Variants in DSG4 observed in about 807,000 individuals in gnomAD.
The protein encoded by DSG4 is desmoglein-4.
In DSG4, 87 loss-of-function variants were observed where a neutral mutation model predicts 93.1. The observed-to-expected ratio is 0.93, with a 90% confidence interval of 0.79 to 1.12. The LOEUF (loss-of-function observed/expected upper bound fraction) is 1.12, where lower values mean the gene tolerates loss of function less well. Ranked by LOEUF, DSG4 falls within the 50% of genes most tolerant of loss-of-function variation. DSG4 has a pLI of 0.00. For synonymous variants in DSG4, 432 were observed against 452.9 expected (o/e 0.95, Z 0.59); for missense variants, 1,373 against 1,285.7 (o/e 1.07, Z -1.04).
chr18:31,390,733 G>A lies in DSG4; in HGVS notation c.595G>A (p.Val199Ile), dbSNP rs139019059. Residue 199 changes from valine (V) to isoleucine (I), a missense_variant, in exon 6 of 16, where the codon GTC becomes ATC. Physicochemically the swap from Val to Ile is conservative, Grantham distance 29 (BLOSUM62 3). Coordinates refer to ENST00000308128, the MANE Select transcript of DSG4 (RefSeq NM_177986.5). ...GAATTCTAAAATTGCCTACAAGATCGTCTCTCAGGAGCCATCAGGTGCACC... is the reference window on the plus strand; with the variant it reads ...GAATTCTAAAATTGCCTACAAGATCATCTCTCAGGAGCCATCAGGTGCACC... The part of the protein sequence containing the change: ...HLNSKIAYKI[V>I]SQEPSGAPMF... 141 of 1,613,630 alleles carry A rather than the reference G, an allele frequency of 8.7e-5. 1 individual carries two copies. The highest frequency in any genetic ancestry group is 8.3e-4 in the Admixed American group (50 of 59,944).
rs117769970 is a variant in DSG4, at chr18:31,410,727, C to T, written c.2138-504C>T. Among the ~76,000 whole-genome samples the T allele has an allele frequency of 8.7e-4, 132 of 152,310 alleles. 1 individual carries two copies. In the East Asian group the frequency reaches 0.024, roughly 28 times the overall value. ...AGAGAGGGTGCTTAATTCTGCAGTG[C>T]ACGTGAGCTTTCTCTGATGGTTCCT... is the stretch of plus-strand genomic sequence containing the variant. On this transcript the variant is annotated intron_variant, in intron 14 of 15. Transcript: ENST00000308128.
intron 6 of DSG4, 28 bp from the exon 7 acceptor site, chr18:31,391,050 T>A: frequency 6.2e-7 from 1 of 1,612,922 alleles, no homozygotes; most frequent in African/African-American, 1.3e-5. Context: ...AAAACCTAAG[T>A]CTTACGTTCT....
chr18:31,382,971 A>G (rs1164227795), intron 1 of DSG4, among the ~76,000 whole-genome samples: 23 of 152,220 alleles, frequency 1.5e-4, no homozygotes, highest in Admixed American at 1.5e-3. Flanking sequence ...GACCAAGGTA[A>G]AATGAACTCA....
rs748887910 is a variant in DSG4 at position 31,399,302 on chromosome 18, C to A, written c.1036C>A (p.Gln346Lys). ...MLDYEQAPNIQLSIGVKNQAD... is the reference protein window; with the variant it reads ...MLDYEQAPNIKLSIGVKNQAD... ...GGATTATGAACAAGCACCTAACATTCAGCTTAGTATCGGAGTTAAAAACCA... is the reference window on the plus strand; with the variant it reads ...GGATTATGAACAAGCACCTAACATTAAGCTTAGTATCGGAGTTAAAAACCA... Residue 346 changes from glutamine (Q) to lysine (K), a missense_variant, in exon 9 of 16, where the codon CAG becomes AAG. Physicochemically the swap from Gln to Lys is moderately conservative, Grantham distance 53. Transcript: ENST00000308128. 6 of 1,613,822 alleles carry A rather than the reference C, an allele frequency of 3.7e-6. No homozygotes were observed. Among genetic ancestry groups the A allele is most frequent in the Non-Finnish European group, 5.1e-6 (6 of 1,179,896 alleles).
chr18:31,409,466 C>T lies in DSG4; in HGVS notation c.1948C>T (p.Leu650=). Residue 650 remains leucine (L), a synonymous_variant, in exon 13 of 16, where the codon CTG becomes TTG. Transcript: ENST00000308128. The stretch of plus-strand genomic sequence containing the variant: ...TTCTTGGGCAGTGGCTCCACTCTTG[C>T]TGCTCCTGTGTTGCTGCAAACAGAG... ...ILLLILAPLL[L]LLCCCKQRQP... is the part of the protein sequence containing the mutation. The T allele has an allele frequency of 6.2e-7, 1 of 1,614,190 alleles. No homozygotes were observed. Among genetic ancestry groups the T allele is most frequent in the South Asian group, 1.1e-5 (1 of 91,062 alleles).
At chr18:31,385,109 C>T in intron 1 of DSG4, 27 bp from the exon 2 acceptor site, 1 of 1,591,364 alleles carries the variant, frequency 6.3e-7, no homozygotes, top group Non-Finnish European at 8.6e-7. Flanking sequence ...CAAATTTATG[C>T]TAATGTGGTA....
At position 31,413,066 on chromosome 18, in the gene DSG4, G is replaced by C; in HGVS notation, c.2594G>C (p.Ser865Thr). The part of the protein sequence containing the change: ...FPSHQACIPI[S>T]TDLPLLGPNY... ...TCACACCAGGCTTGTATACCAATCA[G>C]TACTGACCTCCCTTTGCTCGGACCT... is the stretch of plus-strand genomic sequence containing the variant. The change falls in exon 16 of 16, where the codon AGT becomes ACT. Residue 865 changes from serine to threonine, a missense_variant. By Grantham distance (58) the Ser-to-Thr change is moderately conservative (BLOSUM62 1). Transcript: ENST00000308128. 1 of 1,614,128 alleles carries C rather than the reference G, an allele frequency of 6.2e-7. No individual in the cohort carries two copies. Among genetic ancestry groups the C allele is most frequent in the South Asian group, 1.1e-5 (1 of 91,080 alleles).
At chr18:31,402,667 A>G (rs2072380792) in intron 10 of DSG4, among the ~76,000 whole-genome samples, 1 of 150,148 alleles carries the variant, frequency 6.7e-6, no homozygotes, top group Non-Finnish European at 1.5e-5. Flanking sequence ...TTCTAGTTTA[A>G]AAGCGAGAAA....
chr18:31,406,087 A>T lies in DSG4; in HGVS notation c.1647A>T (p.Ala549=). The change falls in exon 12 of 16, where the codon GCA becomes GCT. Residue 549 remains alanine (A), a synonymous_variant. Transcript: ENST00000308128. ...WDVRSTNATS[A]ILTAKQVLSP... ...TCTCTTCCATTTCAGCTACCTCGGCAATCCTTACGGCTAAGCAGGTTTTAT... is the reference window on the plus strand; with the variant it reads ...TCTCTTCCATTTCAGCTACCTCGGCTATCCTTACGGCTAAGCAGGTTTTAT... 1.2e-6 allele frequency: 2 copies of T among 1,614,104 alleles called. No individual in the cohort carries two copies. The highest frequency in any genetic ancestry group is 2.2e-5 in the South Asian group (2 of 91,078).
At position 31,386,748 on chromosome 18, in the gene DSG4, C is replaced by T. The variant is rs754509456; in HGVS notation, c.145C>T (p.Arg49Trp). Reference sequence around the variant, plus strand: ...ATGGCAAACAGTCAGAAGACAAAAGCGGGAGTGGATCAAGTTTGCCGCAGC... The same window carrying T: ...ATGGCAAACAGTCAGAAGACAAAAGTGGGAGTGGATCAAGTTTGCCGCAGC... ...TKWQTVRRQK[R>W]EWIKFAAACR... The change falls in exon 3 of 16, where the codon CGG becomes TGG. Residue 49 changes from arginine to tryptophan, a missense_variant. By Grantham distance (101) the Arg-to-Trp change is moderately radical (BLOSUM62 -3). Coordinates refer to ENST00000308128, the MANE Select transcript of DSG4 (RefSeq NM_177986.5). 19 of 1,613,258 alleles carry T rather than the reference C, an allele frequency of 1.2e-5. No homozygotes were observed. Among genetic ancestry groups the T allele is most frequent in the Middle Eastern group, 1.6e-4 (1 of 6,080 alleles).
At chr18:31,411,515 C>G in intron 15 of DSG4, 67 bp downstream of exon 15, 1 of 1,555,816 alleles carries the variant, frequency 6.4e-7, no homozygotes, top group Non-Finnish European at 8.8e-7. Context: ...AAAATACTCA[C>G]AATGGTAGTA....
At chr18:31,408,601 A>T (rs1182866264) in intron 12 of DSG4, among the ~76,000 whole-genome samples, 1 of 152,218 alleles carries the variant, frequency 6.6e-6, no homozygotes, top group East Asian at 1.9e-4. Flanking sequence ...TATGGGGTAC[A>T]TTAGCTGCTT....
intron 10 of DSG4, chr18:31,401,482 A>G (rs754805899): frequency 1.3e-5 from 2 of 153,538 alleles, no homozygotes; most frequent in Non-Finnish European, 2.9e-5. Context: ...TTGCTTGATT[A>G]GACATATTTC....
chr18:31,402,973 G>T (rs1437319570), intron 10 of DSG4, among the ~76,000 whole-genome samples: 1 of 152,130 alleles, frequency 6.6e-6, no homozygotes, highest in African/African-American at 2.4e-5. Flanking sequence ...TTCAGCTGTG[G>T]TTATTTCTAC....
At chr18:31,390,978 G>C in intron 6 of DSG4, 100 bp from the exon 7 acceptor site, 3 of 1,529,566 alleles carry the variant, frequency 2.0e-6, no homozygotes, top group East Asian at 2.4e-5. Context: ...AAATTTCATT[G>C]GATATGTAAA....
intron 1 of DSG4, among the ~76,000 whole-genome samples, chr18:31,377,505 A>G (rs1051942021): frequency 6.6e-6 from 1 of 152,354 alleles, no homozygotes; most frequent in Admixed American, 6.5e-5. Context: ...CCATCAAGAC[A>G]AAACTTTTCT....
In DSG4 at chr18:31,390,742, G is replaced by T; in HGVS notation, c.604G>T (p.Glu202Ter). The T allele has an allele frequency of 6.2e-7, 1 of 1,613,838 alleles. No homozygotes were observed. ...AATTGCCTACAAGATCGTCTCTCAG[G>T]AGCCATCAGGTGCACCCATGTTCAT... ...SKIAYKIVSQ[E>*]PSGAPMFILN... The change falls in exon 6 of 16, where the codon GAG becomes TAG. Residue 202 changes from glutamate (E) to a stop codon, truncating the protein, a stop_gained. Coordinates refer to ENST00000308128, the MANE Select transcript of DSG4 (RefSeq NM_177986.5). LOFTEE classifies it high-confidence loss of function.
At chr18:31,401,732 G>A (rs2072369982) in intron 10 of DSG4, 1 of 152,052 alleles carries the variant, frequency 6.6e-6, no homozygotes, top group South Asian at 2.1e-4. Flanking sequence ...AAGAGACAAA[G>A]GTCAGGAACC....
chr18:31,405,562 T>TA (rs1201790887), intron 11 of DSG4, among the ~76,000 whole-genome samples: 3 of 150,566 alleles, frequency 2.0e-5, no homozygotes, highest in African/African-American at 7.3e-5. Flanking sequence ...AAATTAGTTA[T>TA]AAATGTTAAA....
Sources: gnomAD v4.1 joint callset for allele counts (sites outside exome capture counted in the v4.1 genomes callset) on GRCh38, gnomAD v4.1.1 for gene constraint, MANE v1.5 for transcripts, NCBI Gene and HGNC (gene_info 2026-07-23, HGNC 2026-07-21) for gene names.